The following NAALADL2 variants were observed in gnomAD, a reference collection of about 807,000 sequenced individuals.
The protein encoded by NAALADL2 is inactive N-acetylated-alpha-linked acidic dipeptidase-like protein 2.
NAALADL2 carries 76 observed loss-of-function variants against 87.2 expected under a neutral mutation model. The ratio of observed to expected loss-of-function variants is 0.87; its 90% CI spans 0.72 to 1.05. NAALADL2 has a LOEUF of 1.05. Ranked by LOEUF, NAALADL2 falls within the 50% of genes least tolerant of loss-of-function variation. The pLI is 0.00. For synonymous variants in NAALADL2, 354 were observed against 331.0 expected (o/e 1.07, Z -0.75); for missense variants, 1,089 against 945.8 (o/e 1.15, Z -1.99).
chr3:174,671,426 A>G (rs1170437620), intron 2 of NAALADL2, among the ~76,000 whole-genome samples: 1 of 152,074 alleles, frequency 6.6e-6, no homozygotes, highest in Non-Finnish European at 1.5e-5. Context: ...AGATATTAGA[A>G]AAAACAATGT....
intron 2 of NAALADL2, among the ~76,000 whole-genome samples, chr3:174,635,868 C>T (rs1027989463): frequency 1.3e-5 from 2 of 152,082 alleles, no homozygotes; most frequent in Non-Finnish European, 2.9e-5. Context: ...GAAGTCTTTA[C>T]CTATTGATGA....
chr3:175,072,504 T>C (rs1395770885), intron 1 of NAALADL2, among the ~76,000 whole-genome samples: 1 of 151,772 alleles, frequency 6.6e-6, no homozygotes, highest in African/African-American at 2.4e-5. Flanking sequence ...GCAAGAATTT[T>C]ATTCCCTCTC....
chr3:175,044,518 A>T (rs2108987543), intron 1 of NAALADL2, among the ~76,000 whole-genome samples: 1 of 152,246 alleles, frequency 6.6e-6, no homozygotes, highest in East Asian at 1.9e-4. Context: ...TTCCTGGTAA[A>T]CTATTAATCA....
intron 2 of NAALADL2, among the ~76,000 whole-genome samples, chr3:175,220,455 T>C (rs1743188039): frequency 6.6e-6 from 1 of 151,948 alleles, no homozygotes; most frequent in African/African-American, 2.4e-5. Context: ...AAGGACATTT[T>C]TCTACTTTAC....
chr3:175,738,929 T>C (rs1049169141), intron 12 of NAALADL2, among the ~76,000 whole-genome samples: 7 of 152,186 alleles, frequency 4.6e-5, no homozygotes, highest in South Asian at 2.1e-4. Context: ...CAAATATTTT[T>C]TTAAACAGTA....
At chr3:175,239,825 A>G (rs1174383976) in intron 3 of NAALADL2, among the ~76,000 whole-genome samples, 1 of 152,172 alleles carries the variant, frequency 6.6e-6, no homozygotes, top group Non-Finnish European at 1.5e-5. Context: ...TCTCATCCAT[A>G]TAAGGGGAAT....
At chr3:175,516,766 A>T (rs534337324) in intron 9 of NAALADL2, among the ~76,000 whole-genome samples, 2 of 152,316 alleles carry the variant, frequency 1.3e-5, no homozygotes, top group African/African-American at 4.8e-5. Context: ...AATGATTTCA[A>T]ATATAGCCAT....
chr3:174,469,613 G>A (rs1716772947), intron 1 of NAALADL2, among the ~76,000 whole-genome samples: 1 of 152,014 alleles, frequency 6.6e-6, no homozygotes, highest in East Asian at 1.9e-4. Context: ...TGTTTTTTCA[G>A]TAGAGACGGG....
intron 1 of NAALADL2, among the ~76,000 whole-genome samples, chr3:175,060,268 C>A (rs534983906): frequency 2.0e-5 from 3 of 152,254 alleles, no homozygotes; most frequent in East Asian, 3.9e-4. Context: ...ATATTAAAGT[C>A]CCCTTCCTAT....
chr3:174,886,292 C>A (rs956665607), intron 1 of NAALADL2, among the ~76,000 whole-genome samples: 1 of 152,064 alleles, frequency 6.6e-6, no homozygotes, highest in African/African-American at 2.4e-5. Context: ...AAGATGTAGG[C>A]TGGGAGGCTA....
At chr3:175,538,575 A>G (rs77023141) in intron 9 of NAALADL2, among the ~76,000 whole-genome samples, 4,508 of 152,244 alleles carry the variant, frequency 0.03, 231 homozygotes, top group African/African-American at 0.1. Flanking sequence ...ATTGAATTAT[A>G]TAGATATAGG....
intron 1 of NAALADL2, among the ~76,000 whole-genome samples, chr3:175,013,902 G>A (rs907466880): frequency 5.3e-5 from 8 of 152,068 alleles, no homozygotes; most frequent in African/African-American, 1.9e-4. Context: ...GTCAGAAGCT[G>A]AGGCATAGCA....
intron 9 of NAALADL2, among the ~76,000 whole-genome samples, chr3:175,480,877 A>T (rs541755174): frequency 2.2e-4 from 34 of 152,068 alleles, no homozygotes; most frequent in African/African-American, 8.2e-4. Flanking sequence ...CTCCTTGAGA[A>T]CTAACATAGC....
chr3:174,936,742 T>C (rs2108447115), intron 1 of NAALADL2, among the ~76,000 whole-genome samples: 1 of 152,268 alleles, frequency 6.6e-6, no homozygotes, highest in African/African-American at 2.4e-5. Context: ...AAACCGACAG[T>C]ACTGACAGGC....
At chr3:174,922,399 A>G (rs887410273) in intron 1 of NAALADL2, among the ~76,000 whole-genome samples, 3 of 152,160 alleles carry the variant, frequency 2.0e-5, no homozygotes, top group Non-Finnish European at 4.4e-5. Flanking sequence ...TGCAAAAATA[A>G]GACACAAGTT....
intron 9 of NAALADL2, among the ~76,000 whole-genome samples, chr3:175,506,396 T>A (rs2149382393): frequency 6.6e-6 from 1 of 152,352 alleles, no homozygotes; most frequent in Admixed American, 6.5e-5. Context: ...TCATTTTCGA[T>A]AATATTGTAC....
intron 13 of NAALADL2, among the ~76,000 whole-genome samples, chr3:175,789,752 G>A (rs1752552415): frequency 6.6e-6 from 1 of 151,924 alleles, no homozygotes; most frequent in South Asian, 2.1e-4. Flanking sequence ...CAAGAAAAAA[G>A]GTGGATATAT....
intron 9 of NAALADL2, among the ~76,000 whole-genome samples, chr3:175,568,770 G>C (rs1717606786): frequency 6.6e-6 from 1 of 152,156 alleles, no homozygotes; most frequent in Non-Finnish European, 1.5e-5. Flanking sequence ...AATTACCTAA[G>C]TAACATACAA....
chr3:174,533,635 A>G (rs1721449063), intron 1 of NAALADL2, among the ~76,000 whole-genome samples: 1 of 152,098 alleles, frequency 6.6e-6, no homozygotes, highest in Non-Finnish European at 1.5e-5. Flanking sequence ...TGGAAAAAAA[A>G]AAAAAAACCC....
Sources: allele counts gnomAD v4.1 joint callset (sites outside exome capture counted in the v4.1 genomes callset), GRCh38; gene constraint gnomAD v4.1.1; transcripts MANE v1.5; gene names NCBI Gene and HGNC (gene_info 2026-07-23, HGNC 2026-07-21).